The following WWOX variants were observed in gnomAD, a reference collection of about 807,000 sequenced individuals.
WWOX encodes the protein WW domain containing oxidoreductase.
A neutral mutation model predicts 46.2 loss-of-function variants in WWOX; 69 were observed. The ratio of observed to expected loss-of-function variants is 1.49; its 90% CI spans 1.23 to 1.82. WWOX has a LOEUF of 1.82. Among genes scored for constraint, WWOX ranks in the 40% most tolerant of loss-of-function variants. The pLI, the probability that WWOX is intolerant of heterozygous loss-of-function variation, is 0.00. For missense variants in WWOX, 919 were observed against 542.6 expected (o/e 1.69, Z -6.89); for synonymous variants, 359 against 202.6 (o/e 1.77, Z -6.56).
intron 8 of WWOX, among the ~76,000 whole-genome samples, chr16:78,875,417 G>A (rs1020608129): frequency 6.6e-6 from 1 of 152,200 alleles, no homozygotes. Context: ...TCTAATTCTC[G>A]AGTGTCTGAT....
At chr16:78,662,716 G>A (rs1246496193) in intron 8 of WWOX, among the ~76,000 whole-genome samples, 1 of 152,160 alleles carries the variant, frequency 6.6e-6, no homozygotes, top group South Asian at 2.1e-4. Flanking sequence ...GTAATTGAGG[G>A]TGGTCATTGA....
chr16:78,511,582 C>T (rs909014800), intron 8 of WWOX, among the ~76,000 whole-genome samples: 2 of 152,144 alleles, frequency 1.3e-5, no homozygotes, highest in African/African-American at 4.8e-5. Context: ...CTTACATCTC[C>T]CAATATATTT....
At chr16:78,316,685 T>G (rs180878359) in intron 5 of WWOX, among the ~76,000 whole-genome samples, 3 of 152,194 alleles carry the variant, frequency 2.0e-5, no homozygotes, top group African/African-American at 7.2e-5. Context: ...TGTTAACTTC[T>G]GTATTGTCTT....
intron 8 of WWOX, among the ~76,000 whole-genome samples, chr16:78,512,813 A>G (rs2085394217): frequency 6.6e-6 from 1 of 152,352 alleles, no homozygotes; most frequent in East Asian, 1.9e-4. Flanking sequence ...AATTGAATTT[A>G]AAAACAGAAA....
chr16:78,846,305 C>T (rs1567600527), intron 8 of WWOX, among the ~76,000 whole-genome samples: 1 of 152,208 alleles, frequency 6.6e-6, no homozygotes, highest in South Asian at 2.1e-4. Context: ...CAGACTATAA[C>T]TGACCAACAG....
intron 8 of WWOX, among the ~76,000 whole-genome samples, chr16:78,992,391 C>T (rs375595808): frequency 2.5e-3 from 382 of 152,150 alleles, no homozygotes; most frequent in African/African-American, 8.5e-3. Context: ...TGCTTGAATC[C>T]GGGAGGCAGA....
At chr16:78,244,410 G>C (rs1242847637) in intron 5 of WWOX, among the ~76,000 whole-genome samples, 2 of 152,154 alleles carry the variant, frequency 1.3e-5, no homozygotes, top group Non-Finnish European at 2.9e-5. Context: ...TGGGGAATTT[G>C]AGACTGTGAG....
intron 8 of WWOX, among the ~76,000 whole-genome samples, chr16:78,805,693 C>T (rs772718508): frequency 2.0e-5 from 3 of 152,156 alleles, no homozygotes; most frequent in South Asian, 2.1e-4. Context: ...TTGGGTGAAA[C>T]ATGGGAGTGT....
chr16:78,548,749 G>A (rs911516011), intron 8 of WWOX, among the ~76,000 whole-genome samples: 8 of 152,136 alleles, frequency 5.3e-5, no homozygotes, highest in African/African-American at 1.7e-4. Context: ...AATGCTAATG[G>A]GACTTAGTGT....
At chr16:78,874,889 CA>C (rs1319389179) in intron 8 of WWOX, among the ~76,000 whole-genome samples, 2 of 151,952 alleles carry the variant, frequency 1.3e-5, no homozygotes, top group African/African-American at 4.8e-5. Context: ...CAGATAGGCC[CA>C]AGAGCTCCCC....
chr16:79,075,356 G>C (rs934077037), intron 8 of WWOX, among the ~76,000 whole-genome samples: 2 of 152,100 alleles, frequency 1.3e-5, no homozygotes, highest in African/African-American at 4.8e-5. Flanking sequence ...AATCACTTAT[G>C]CTTCCACCAC....
chr16:78,635,074 A>G (rs1385006346), intron 8 of WWOX, among the ~76,000 whole-genome samples: 1 of 152,128 alleles, frequency 6.6e-6, no homozygotes, highest in Non-Finnish European at 1.5e-5. Context: ...TCTTACAGAT[A>G]GGAAACCTTG....
chr16:78,135,205 G>A (rs758776926), intron 4 of WWOX, among the ~76,000 whole-genome samples: 3 of 152,308 alleles, frequency 2.0e-5, no homozygotes, highest in East Asian at 3.9e-4. Context: ...CTCAAGAGTC[G>A]TTATTTACCT....
chr16:79,003,961 C>G (rs1356636118), intron 8 of WWOX, among the ~76,000 whole-genome samples: 1 of 152,144 alleles, frequency 6.6e-6, no homozygotes. Flanking sequence ...TTGCCCTTCC[C>G]TTTGCCAAGA....
At chr16:78,754,430 A>T (rs1341287036) in intron 8 of WWOX, among the ~76,000 whole-genome samples, 2 of 152,122 alleles carry the variant, frequency 1.3e-5, no homozygotes, top group Admixed American at 1.3e-4. Context: ...CAGGGTTTTG[A>T]AGAGTTTGGC....
chr16:79,211,734 C>T lies in WWOX; in HGVS notation c.1183C>T (p.Arg395Trp), dbSNP rs750042007. The T allele has an allele frequency of 1.1e-5, 17 of 1,614,190 alleles. No individual in the cohort carries two copies. Among genetic ancestry groups the T allele is most frequent in the South Asian group, 8.8e-5 (8 of 91,084 alleles). ...SPEAQSEETA[R>W]TLWALSERLI... ...AGAAGCTCAGAGCGAAGAGACGGCC[C>T]GGACCCTGTGGGCGCTCAGCGAGAG... The change falls in exon 9 of 9, where the codon CGG (arginine) becomes TGG (tryptophan). Residue 395 changes from arginine to tryptophan, a missense_variant. Transcript: ENST00000566780.
intron 8 of WWOX, among the ~76,000 whole-genome samples, chr16:78,516,548 T>C (rs2043239306): frequency 6.6e-6 from 1 of 152,190 alleles, no homozygotes; most frequent in South Asian, 2.1e-4. Flanking sequence ...CTCTGTGATG[T>C]TGGAATCTTT....
At chr16:79,008,233 C>G (rs374892950) in intron 8 of WWOX, among the ~76,000 whole-genome samples, 1 of 152,198 alleles carries the variant, frequency 6.6e-6, no homozygotes, top group East Asian at 1.9e-4. Context: ...CAGATGACCT[C>G]ACAACATGAC....
At chr16:78,634,197 T>A (rs924410261) in intron 8 of WWOX, among the ~76,000 whole-genome samples, 1 of 152,196 alleles carries the variant, frequency 6.6e-6, no homozygotes, top group African/African-American at 2.4e-5. Context: ...TAAATACAAA[T>A]GTCCAGGAGA....
Sources: allele counts gnomAD v4.1 joint callset (sites outside exome capture counted in the v4.1 genomes callset), GRCh38; gene constraint gnomAD v4.1.1; transcripts MANE v1.5; gene names NCBI Gene and HGNC (gene_info 2026-07-23, HGNC 2026-07-21).